Variants in PAPOLG observed in about 807,000 individuals in gnomAD.
PAPOLG encodes poly(A) polymerase gamma, also known as PAP-gamma.
In PAPOLG, 40 loss-of-function variants were observed where a neutral mutation model predicts 99.0. That is an observed-to-expected ratio of 0.40 (90% CI 0.31 to 0.53). The LOEUF (loss-of-function observed/expected upper bound fraction) is 0.53. PAPOLG is among the 20% of genes least tolerant of loss of function. PAPOLG has a pLI of 0.41. For synonymous variants in PAPOLG, 310 were observed against 299.3 expected, an observed-to-expected ratio of 1.04 and a Z score of -0.37; for missense variants, 675 against 884.1, an observed-to-expected ratio of 0.76 and a Z score of 3.00.
intron 15 of PAPOLG, among the ~76,000 whole-genome samples, chr2:60,787,948 A>G (rs1671416638): frequency 1.3e-5 from 2 of 152,050 alleles, no homozygotes; most frequent in Admixed American, 6.6e-5. Context: ...AGGCTGAGGC[A>G]GGAAAATTGC....
intron 21 of PAPOLG, 139 bp from the exon 22 acceptor site, chr2:60,796,923 T>C (rs1195721262): frequency 1.4e-5 from 15 of 1,035,246 alleles, no homozygotes; most frequent in Non-Finnish European, 1.9e-5. Context: ...GAAGGAAATA[T>C]TCATTGCATA....
chr2:60,770,505 T>C lies in PAPOLG; in HGVS notation c.486T>C (p.Gly162=), dbSNP rs778950957. 1.3e-6 allele frequency: 2 copies of C among 1,571,998 alleles called. No homozygotes were observed. The highest frequency in any genetic ancestry group is 2.3e-5 in the East Asian group (1 of 44,206). ...CTGTTATAAAATTTGAATTTGATGG[T>C]ATTGAAGTAAGTGTTTAATATTTTT... is the stretch of plus-strand genomic sequence containing the variant. ...FVPVIKFEFD[G]IEIDLVFARL... The change falls in exon 6 of 22, where the codon GGT becomes GGC. Residue 162 remains glycine, a synonymous_variant. Coordinates refer to ENST00000238714, the MANE Select transcript of PAPOLG (RefSeq NM_022894.4).
chr2:60,777,703 C>T (rs540142881), intron 8 of PAPOLG, among the ~76,000 whole-genome samples: 1 of 152,200 alleles, frequency 6.6e-6, no homozygotes, highest in South Asian at 2.1e-4. Flanking sequence ...CTTTCTTTTA[C>T]TTGAACACTT....
intron 3 of PAPOLG, among the ~76,000 whole-genome samples, chr2:60,762,317 A>G (rs915221803): frequency 3.9e-5 from 6 of 151,994 alleles, no homozygotes; most frequent in South Asian, 2.1e-4. Flanking sequence ...CTAATTTATA[A>G]CTACACAACC....
At chr2:60,771,711 C>A in intron 7 of PAPOLG, 81 bp downstream of exon 7, 1 of 1,448,336 alleles carries the variant, frequency 6.9e-7, no homozygotes, top group Non-Finnish European at 9.4e-7. Flanking sequence ...ATTGACTATT[C>A]AGTTTTGGAG....
In PAPOLG at chr2:60,775,218, A is replaced by G. The variant is rs576400406; in HGVS notation, c.694+95A>G. 5.0e-6 allele frequency: 7 copies of G among 1,388,072 alleles called. No individual in the cohort carries two copies. In the Admixed American group the frequency reaches 1.9e-4, roughly 37 times the overall value. The allele number at this position is 1,388,072 out of a possible 1,614,324, so 86.0% of individuals were successfully genotyped here. A position where few individuals can be genotyped will look rare whatever the true frequency, so the allele number is the denominator to read the frequency against. On this transcript the variant is annotated intron_variant, in intron 8 of 21. Coordinates refer to ENST00000238714, the MANE Select transcript of PAPOLG (RefSeq NM_022894.4). ...ATATAGAAACTCTGAACCTAATGAT[A>G]TTGTTGGAGGTTAAGGGCCAATAAA...
chr2:60,776,795 G>T (rs1671034699), intron 8 of PAPOLG, among the ~76,000 whole-genome samples: 1 of 152,100 alleles, frequency 6.6e-6, no homozygotes, highest in South Asian at 2.1e-4. Context: ...TTGAAGCTTT[G>T]AAACCAAGCT....
rs1308091511 is a variant in PAPOLG at position 60,760,312 on chromosome 2, C to T, written c.179+17C>T. The T allele has an allele frequency of 6.3e-7, 1 of 1,591,896 alleles. No homozygotes were observed. The highest frequency in any genetic ancestry group is 1.1e-5 in the South Asian group (1 of 90,242). Reference sequence around the variant, plus strand: ...GAACCACAGGTATGTCATTGAAAACCATAAAATATTTGACAGTGCATTATT... The same window carrying T: ...GAACCACAGGTATGTCATTGAAAACTATAAAATATTTGACAGTGCATTATT... On this transcript the variant is annotated intron_variant, in intron 2 of 21. Transcript: ENST00000238714.
rs887306022 is a variant in PAPOLG, at chr2:60,797,333, G to A, written c.*173G>A. The A allele has an allele frequency of 1.4e-5, 10 of 716,396 alleles. No individual in the cohort carries two copies. In the Admixed American group the frequency reaches 2.2e-4, roughly 16 times the overall value. 44.4% of individuals were successfully genotyped at this position (716,396 alleles called of 1,614,324 possible). On this transcript the variant is annotated 3_prime_UTR_variant, in exon 22 of 22. Coordinates refer to ENST00000238714, the MANE Select transcript of PAPOLG (RefSeq NM_022894.4). ...TGTCAAACTTTGACCTGTAGATGCT[G>A]TAGCATTCTCTCACTGATTGCTACA...
rs1020952027 is a variant in PAPOLG at position 60,794,790 on chromosome 2, A to G, written c.2055+15A>G. On this transcript the variant is annotated intron_variant, in intron 20 of 21. Coordinates refer to ENST00000238714, the MANE Select transcript of PAPOLG (RefSeq NM_022894.4). ...GAAAATCAGTGGTAAATATATTAATAGTGTGCTTCAGAATATTTATTGTAA... is the reference window on the plus strand; with the variant it reads ...GAAAATCAGTGGTAAATATATTAATGGTGTGCTTCAGAATATTTATTGTAA... 1 of 1,579,182 alleles carries G rather than the reference A, an allele frequency of 6.3e-7. No homozygotes were observed. The highest frequency in any genetic ancestry group is 8.7e-7 in the Non-Finnish European group (1 of 1,148,790).
intron 13 of PAPOLG, among the ~76,000 whole-genome samples, chr2:60,784,481 G>A (rs1357520976): frequency 6.6e-6 from 1 of 152,002 alleles, no homozygotes; most frequent in Non-Finnish European, 1.5e-5. Flanking sequence ...TCACATCCTT[G>A]GCTCTATCAG....
intron 1 of PAPOLG, among the ~76,000 whole-genome samples, chr2:60,759,577 G>A (rs967330982): frequency 3.3e-5 from 5 of 152,164 alleles, no homozygotes; most frequent in Non-Finnish European, 7.3e-5. Flanking sequence ...TACTAGGACT[G>A]TAAACTCTGA....
chr2:60,775,177 C>G, intron 8 of PAPOLG, 54 bp downstream of exon 8: 1 of 1,548,648 alleles, frequency 6.5e-7, no homozygotes, highest in South Asian at 1.2e-5. Context: ...TTTTCTCTTG[C>G]CAGTGAAAGA....
intron 21 of PAPOLG, 64 bp from the exon 22 acceptor site, chr2:60,796,998 A>T (rs1207247810): frequency 4.4e-6 from 7 of 1,594,006 alleles, no homozygotes; most frequent in Non-Finnish European, 5.1e-6. Context: ...CTGACTTTCT[A>T]GCTGGGCCTT....
In PAPOLG at chr2:60,800,674, G is replaced by A. The variant is rs1573266915; in HGVS notation, c.*3514G>A. 6.6e-6 allele frequency: 1 copy of A among 152,254 alleles called. No homozygotes were observed. Among genetic ancestry groups the A allele is most frequent in the East Asian group, 1.9e-4 (1 of 5,344 alleles). The allele number at this position is 152,254 out of a possible 1,614,324, so 9.4% of individuals were successfully genotyped here. ...TTTGAAATAGGAATTCCTAACTTGA[G>A]AATCATGAACCCTTAGGGAATCCTT... On this transcript the variant is annotated 3_prime_UTR_variant, in exon 22 of 22. Transcript: ENST00000238714.
intron 4 of PAPOLG, 44 bp from the exon 5 acceptor site, chr2:60,768,737 T>G: frequency 4.1e-6 from 6 of 1,462,892 alleles, no homozygotes; most frequent in Non-Finnish European, 5.5e-6. Context: ...ACAAAGAATA[T>G]AACACATAAT....
chr2:60,796,250 C>T (rs1456774924), intron 21 of PAPOLG, among the ~76,000 whole-genome samples: 3 of 129,008 alleles, frequency 2.3e-5, no homozygotes, highest in Non-Finnish European at 3.1e-5. Context: ...TGGAGGCTCG[C>T]TCTGTAGCCC....
In PAPOLG at chr2:60,780,691, G is replaced by C. The variant is rs749194624; in HGVS notation, c.834-16G>C. ...AGTGAGATCATGTGTAAGTTAATTT[G>C]CCTTATTCATGTCAGGGAATGGCCA... On this transcript the variant is annotated splice_polypyrimidine_tract_variant and intron_variant, in intron 9 of 21. Transcript: ENST00000238714. 84 of 1,613,140 alleles carry C rather than the reference G, an allele frequency of 5.2e-5. No individual in the cohort carries two copies. Among genetic ancestry groups the C allele is most frequent in the Non-Finnish European group, 6.9e-5 (81 of 1,179,366 alleles).
chr2:60,774,557 G>C (rs1031600148), intron 7 of PAPOLG, among the ~76,000 whole-genome samples: 1 of 151,994 alleles, frequency 6.6e-6, no homozygotes, highest in Non-Finnish European at 1.5e-5. Flanking sequence ...GTAGAGACAG[G>C]GTTTCACCAT....
Sources: allele counts gnomAD v4.1 joint callset (sites outside exome capture counted in the v4.1 genomes callset), GRCh38; gene constraint gnomAD v4.1.1; transcripts MANE v1.5; gene names NCBI Gene and HGNC (gene_info 2026-07-23, HGNC 2026-07-21).